Variants in ERCC6L2 observed in about 807,000 individuals in gnomAD.
ERCC6L2 encodes the protein DNA excision repair protein ERCC-6-like 2.
In ERCC6L2, 77 loss-of-function variants were observed where a neutral mutation model predicts 132.0. The ratio of observed to expected loss-of-function variants is 0.58; its 90% confidence interval spans 0.49 to 0.71. ERCC6L2 has a LOEUF of 0.71. ERCC6L2 is among the 30% of genes least tolerant of loss of function. The pLI is 0.00. For synonymous variants in ERCC6L2, 583 were observed against 632.4 expected, an observed-to-expected ratio of 0.92 and a Z score of 1.17; for missense variants, 1,542 against 1,837.6, an observed-to-expected ratio of 0.84 and a Z score of 2.94.
intron 12 of ERCC6L2, among the ~76,000 whole-genome samples, chr9:95,946,011 AAAATC>A (rs1310925808): frequency 6.8e-6 from 1 of 146,946 alleles, no homozygotes; most frequent in African/African-American, 2.7e-5. Flanking sequence ...ATAAGATAAA[AAAATC>A]AAATCAGGGA....
At chr9:95,876,911 A>G (rs1827302464) in intron 1 of ERCC6L2, 1 of 152,250 alleles carries the variant, frequency 6.6e-6, no homozygotes, top group African/African-American at 2.4e-5. Context: ...GCAGCTAAAA[A>G]TAGATGAAGC....
chr9:95,955,998 A>G lies in ERCC6L2; in HGVS notation c.1932A>G (p.Arg644=). 1.3e-6 allele frequency: 2 copies of G among 1,590,832 alleles called. No homozygotes were observed. Among genetic ancestry groups the G allele is most frequent in the Non-Finnish European group, 1.7e-6 (2 of 1,167,086 alleles). ...CTGTGGAGGAAATCATGTATTTACG[A>G]CAGATATACAAGCAGGTAAATATGT... The part of the protein sequence containing the change: ...LGTVEEIMYL[R]QIYKQQLHCV... Residue 644 remains arginine (R), a synonymous_variant, in exon 13 of 19, where the codon CGA becomes CGG. Coordinates refer to ENST00000653738, the MANE Select transcript of ERCC6L2 (RefSeq NM_020207.7).
At chr9:95,974,297 CTTTA>C (rs1832566551) in intron 16 of ERCC6L2, among the ~76,000 whole-genome samples, 1 of 152,122 alleles carries the variant, frequency 6.6e-6, no homozygotes, top group African/African-American at 2.4e-5. Context: ...TAATTGCTTT[CTTTA>C]TTTACCAGTT....
rs561166633 is a variant in ERCC6L2 at position 95,909,527 on chromosome 9, T to G, written c.788+2256T>G. Among the ~76,000 whole-genome samples, 26 of 152,340 alleles carry G rather than the reference T, an allele frequency of 1.7e-4. No homozygotes were observed. In the South Asian group the frequency reaches 5.4e-3, roughly 32 times the overall value. On this transcript the variant is annotated intron_variant, in intron 4 of 18. Transcript: ENST00000653738. ...CCACTTATAGGTGAGTTTAAGCTAT[T>G]ACGGAGCATGTCAATGGTATTATAC...
At chr9:96,003,377 T>C (rs1227234370) in intron 17 of ERCC6L2, among the ~76,000 whole-genome samples, 1 of 152,228 alleles carries the variant, frequency 6.6e-6, no homozygotes, top group Non-Finnish European at 1.5e-5. Context: ...ATTTTCAGCT[T>C]AGAGTTCCCA....
rs544800019 is a variant in ERCC6L2, at chr9:95,941,615, T to C, written c.1847+66T>C. 1.3e-4 allele frequency: 151 copies of C among 1,171,208 alleles called. 2 individuals are homozygous for C. The highest frequency in any genetic ancestry group is 1.0e-3 in the Middle Eastern group (5 of 4,962). The allele number at this position is 1,171,208 out of a possible 1,614,324, so 72.6% of individuals were successfully genotyped here. The stretch of plus-strand genomic sequence containing the variant: ...TTAATCTAAAAATACTCTTGAACTT[T>C]TAAGGTTGCTTATACTATGACTATG... On this transcript the variant is annotated intron_variant, in intron 12 of 18. Coordinates refer to ENST00000653738, the MANE Select transcript of ERCC6L2 (RefSeq NM_020207.7).
intron 11 of ERCC6L2, among the ~76,000 whole-genome samples, chr9:95,934,634 C>A (rs990529213): frequency 6.6e-5 from 10 of 152,036 alleles, no homozygotes; most frequent in African/African-American, 2.4e-4. Context: ...TTTTGACTTT[C>A]AGAATCATAC....
intron 13 of ERCC6L2, among the ~76,000 whole-genome samples, chr9:95,957,593 C>CTA (rs1238337960): frequency 6.6e-6 from 1 of 151,976 alleles, no homozygotes; most frequent in East Asian, 1.9e-4. Context: ...CAGTCCATTA[C>CTA]TATATACATT....
intron 19 of ERCC6L2, among the ~76,000 whole-genome samples, chr9:96,033,652 A>G (rs145963241): frequency 1.3e-5 from 2 of 152,354 alleles, no homozygotes; most frequent in African/African-American, 4.8e-5. Flanking sequence ...GGAGGCTGGG[A>G]TCTGGGTGCC....
chr9:95,885,788 C>T (rs576410838), intron 2 of ERCC6L2, among the ~76,000 whole-genome samples: 36 of 151,932 alleles, frequency 2.4e-4, no homozygotes, highest in Non-Finnish European at 4.3e-4. Flanking sequence ...TTGTAAATTC[C>T]GGGGTCTCAC....
Position 95,897,752 on chromosome 9 carries a change from A to G in ERCC6L2, c.472-97A>G, listed in dbSNP as rs144629039. On this transcript the variant is annotated intron_variant, in intron 2 of 18. Coordinates refer to ENST00000653738, the MANE Select transcript of ERCC6L2 (RefSeq NM_020207.7). ...TATTTCCCCCAACAAATCTCTTTGT[A>G]CATACTTTGTCACTAATTGAATAGT... 5.3e-5 allele frequency: 65 copies of G among 1,229,200 alleles called. No homozygotes were observed. The African/African-American group carries it at 9.5e-4, about 18-fold the overall frequency. 76.1% of individuals were successfully genotyped at this position (1,229,200 alleles called of 1,614,324 possible). A position where few individuals can be genotyped will look rare whatever the true frequency, so the allele number is the denominator to read the frequency against.
chr9:95,999,340 G>A (rs985384968), intron 17 of ERCC6L2, among the ~76,000 whole-genome samples: 2 of 150,388 alleles, frequency 1.3e-5, no homozygotes, highest in African/African-American at 4.9e-5. Flanking sequence ...CAGCCTGGGC[G>A]AGAGAGTGAG....
chr9:95,888,094 A>G (rs1587846151), intron 2 of ERCC6L2, among the ~76,000 whole-genome samples: 1 of 150,564 alleles, frequency 6.6e-6, no homozygotes, highest in Non-Finnish European at 1.5e-5. Context: ...CAAAGCGAGC[A>G]AAAATACTTT....
chr9:95,949,437 G>T (rs79304156), intron 12 of ERCC6L2, among the ~76,000 whole-genome samples: 1,782 of 152,194 alleles, frequency 0.012, 33 homozygotes, highest in African/African-American at 0.04. Context: ...AGAGCATCTT[G>T]AAAGCAGCAA....
At chr9:95,913,933 T>C (rs187293695) in intron 4 of ERCC6L2, among the ~76,000 whole-genome samples, 13 of 152,358 alleles carry the variant, frequency 8.5e-5, no homozygotes, top group African/African-American at 3.1e-4. Context: ...TCCCAGTTTA[T>C]GGCTATACAA....
intron 18 of ERCC6L2, among the ~76,000 whole-genome samples, chr9:96,009,707 A>G (rs568593158): frequency 1.3e-5 from 2 of 152,316 alleles, no homozygotes; most frequent in South Asian, 4.1e-4. Flanking sequence ...CTTAGAGAAA[A>G]TTCTGAAGGC....
At chr9:95,893,932 G>A (rs746771048) in intron 2 of ERCC6L2, among the ~76,000 whole-genome samples, 10 of 152,124 alleles carry the variant, frequency 6.6e-5, no homozygotes, top group Non-Finnish European at 1.5e-4. Flanking sequence ...TTTGATAACT[G>A]ATTAATAGTC....
At chr9:96,011,529 T>C (rs1834025851) in intron 18 of ERCC6L2, among the ~76,000 whole-genome samples, 1 of 152,220 alleles carries the variant, frequency 6.6e-6, no homozygotes, top group South Asian at 2.1e-4. Context: ...TCTTTCTGCC[T>C]CTATCTTACC....
chr9:95,916,545 A>AT, intron 6 of ERCC6L2, 111 bp downstream of exon 6: 1 of 868,342 alleles, frequency 1.2e-6, no homozygotes, highest in Non-Finnish European at 1.7e-6. Flanking sequence ...TTTGCCTTTT[A>AT]TTCTGTATGG....
Sources: gnomAD v4.1 joint callset for allele counts (sites outside exome capture counted in the v4.1 genomes callset) on GRCh38, gnomAD v4.1.1 for gene constraint, MANE v1.5 for transcripts, NCBI Gene and HGNC (gene_info 2026-07-23, HGNC 2026-07-21) for gene names.